The following CHMP5 variants were observed in gnomAD, a reference collection of about 807,000 sequenced individuals.
CHMP5 encodes SNF7 domain containing 2.
Under a neutral mutation model 33.0 loss-of-function variants are expected in CHMP5, and 17 were observed. That is an observed-to-expected ratio of 0.52 (90% CI 0.35 to 0.77). The LOEUF (loss-of-function observed/expected upper bound fraction) is 0.77, where lower values mean the gene tolerates loss of function less well. Among genes scored for constraint, CHMP5 ranks in the 30% least tolerant of loss-of-function variants. CHMP5 has a pLI of 0.01. For synonymous variants in CHMP5, 76 were observed against 90.2 expected (o/e 0.84, Z 0.89); for missense variants, 216 against 261.5 (o/e 0.83, Z 1.20).
rs982879209 is a variant in CHMP5, at chr9:33,265,096, G to A, written c.18G>A (p.Gly6=). The A allele has an allele frequency of 6.2e-7, 1 of 1,614,092 alleles. No individual in the cohort carries two copies. The highest frequency in any genetic ancestry group is 1.3e-5 in the African/African-American group (1 of 74,930). MNRLF[G]KAKPKAPPPS... is the part of the protein sequence containing the mutation. Reference sequence around the variant, plus strand: ...TGCTCAAGATGAACCGACTCTTCGGGAAAGCGAAACCCAAGGCTCCGCCGC... The same window carrying A: ...TGCTCAAGATGAACCGACTCTTCGGAAAAGCGAAACCCAAGGCTCCGCCGC... Residue 6 remains glycine, a synonymous_variant, in exon 1 of 8, where the codon GGG becomes GGA. Coordinates refer to ENST00000223500, the MANE Select transcript of CHMP5 (RefSeq NM_016410.6).
chr9:33,277,695 G>C (rs113078962), intron 6 of CHMP5: 3,400 of 159,172 alleles, frequency 0.021, 145 homozygotes, highest in African/African-American at 0.077. Context: ...AGGTGTCAAG[G>C]GTGGCTGTCA....
At chr9:33,269,268 G>A (rs1482410777) in intron 3 of CHMP5, among the ~76,000 whole-genome samples, 1 of 152,210 alleles carries the variant, frequency 6.6e-6, no homozygotes, top group African/African-American at 2.4e-5. Flanking sequence ...ACTTTGGGAG[G>A]CCAAGACAGA....
At chr9:33,272,250 A>T (rs62542693) in intron 5 of CHMP5, among the ~76,000 whole-genome samples, 12,656 of 152,070 alleles carry the variant, frequency 0.083, 668 homozygotes, top group East Asian at 0.15. Context: ...TACCCCCCTG[A>T]CTAGAATGTC....
At chr9:33,275,274 C>G (rs62542694) in intron 5 of CHMP5, among the ~76,000 whole-genome samples, 8,697 of 152,216 alleles carry the variant, frequency 0.057, 278 homozygotes, top group East Asian at 0.095. Flanking sequence ...ATCCTGGAAC[C>G]AATCCCTTGC....
chr9:33,271,682 T>TA (rs1469531927), intron 5 of CHMP5, among the ~76,000 whole-genome samples: 1 of 152,232 alleles, frequency 6.6e-6, no homozygotes, highest in Non-Finnish European at 1.5e-5. Context: ...GATGGTTCAG[T>TA]AAGTTAGGTG....
rs376968625 is a variant in CHMP5 at position 33,271,949 on chromosome 9, T to C, written c.387+726T>C. 1.9e-4 allele frequency among the ~76,000 whole-genome samples: 29 copies of C among 152,340 alleles called. No homozygotes were observed. The South Asian group carries it at 6.0e-3, about 32-fold the overall frequency. Reference sequence around the variant, plus strand: ...TTGTCATGAGTGTTAAATGAAGGTATGTAGGTAAAGTGTATGTAAAATGTT... The same window carrying C: ...TTGTCATGAGTGTTAAATGAAGGTACGTAGGTAAAGTGTATGTAAAATGTT... On this transcript the variant is annotated intron_variant, in intron 5 of 7. Transcript: ENST00000223500.
At chr9:33,278,520 T>G (rs1021245870) in intron 7 of CHMP5, among the ~76,000 whole-genome samples, 1 of 152,238 alleles carries the variant, frequency 6.6e-6, no homozygotes, top group Non-Finnish European at 1.5e-5. Flanking sequence ...AGACATTTCC[T>G]GTAAAAGCGT....
chr9:33,273,343 G>T (rs1187249590), intron 5 of CHMP5, among the ~76,000 whole-genome samples: 1 of 151,944 alleles, frequency 6.6e-6, no homozygotes, highest in African/African-American at 2.4e-5. Flanking sequence ...TGCTTTTAGG[G>T]TTCCTTGTGT....
At chr9:33,267,552 C>T (rs1378735543) in intron 2 of CHMP5, among the ~76,000 whole-genome samples, 3 of 152,074 alleles carry the variant, frequency 2.0e-5, no homozygotes, top group Non-Finnish European at 4.4e-5. Flanking sequence ...CTCCCTAAGG[C>T]AACTGGATAT....
At chr9:33,279,453 C>A (rs1022432521) in intron 7 of CHMP5, among the ~76,000 whole-genome samples, 4 of 152,096 alleles carry the variant, frequency 2.6e-5, no homozygotes. Flanking sequence ...GCCCACTCCT[C>A]CCCGACCTCT....
rs979838606 is a variant in CHMP5 at position 33,274,676 on chromosome 9, C to T, written c.388-1780C>T. 3.1e-4 allele frequency among the ~76,000 whole-genome samples: 47 copies of T among 152,050 alleles called. 1 individual carries two copies. Among genetic ancestry groups the T allele is most frequent in the South Asian group, 2.1e-4 (1 of 4,822 alleles). ...TGTCGCCCAGGCTAGAGTGCGGTGG[C>T]GCGATCTCGGCTCACTGCAACCTCT... On this transcript the variant is annotated intron_variant, in intron 5 of 7. Coordinates refer to ENST00000223500, the MANE Select transcript of CHMP5 (RefSeq NM_016410.6).
chr9:33,266,005 C>T lies in CHMP5; in HGVS notation c.70-5C>T. 3.1e-6 allele frequency: 5 copies of T among 1,600,950 alleles called. No individual in the cohort carries two copies. The highest frequency in any genetic ancestry group is 2.2e-5 in the South Asian group (2 of 90,734). ...CTACCAGTGCATTTGATATTTTCCCCTAAGGTGGACAGTAGAGCAGAATCC... is the reference window on the plus strand; with the variant it reads ...CTACCAGTGCATTTGATATTTTCCCTTAAGGTGGACAGTAGAGCAGAATCC... On this transcript the variant is annotated splice_region_variant and splice_polypyrimidine_tract_variant and intron_variant, in intron 1 of 7. Coordinates refer to ENST00000223500, the MANE Select transcript of CHMP5 (RefSeq NM_016410.6).
intron 5 of CHMP5, among the ~76,000 whole-genome samples, chr9:33,272,565 G>C (rs1031628249): frequency 3.9e-5 from 6 of 152,116 alleles, no homozygotes; most frequent in Admixed American, 6.5e-5. Context: ...AGCACTTTGG[G>C]AGGCCGAGGC....
intron 5 of CHMP5, among the ~76,000 whole-genome samples, chr9:33,272,407 AAAAG>A (rs1192128795): frequency 2.6e-5 from 4 of 152,018 alleles, no homozygotes; most frequent in African/African-American, 9.7e-5. Context: ...AAAAAAAAAA[AAAAG>A]AGAGAAAGCA....
chr9:33,281,019 T>C lies in CHMP5; in HGVS notation c.*160T>C, dbSNP rs1820916142. 4 of 472,452 alleles carry C rather than the reference T, an allele frequency of 8.5e-6. No individual in the cohort carries two copies. The highest frequency in any genetic ancestry group is 7.4e-6 in the Non-Finnish European group (2 of 271,064). 29.3% of individuals were successfully genotyped at this position (472,452 alleles called of 1,614,324 possible). A position where few individuals can be genotyped will look rare whatever the true frequency, so the allele number is the denominator to read the frequency against. On this transcript the variant is annotated 3_prime_UTR_variant, in exon 8 of 8. Coordinates refer to ENST00000223500, the MANE Select transcript of CHMP5 (RefSeq NM_016410.6). ...TTTATTTTTTCCATTAAGAGACTCA[T>C]TGCTTGGGAAATGCTTTCTTCGTAC...
intron 5 of CHMP5, among the ~76,000 whole-genome samples, chr9:33,271,464 TTGA>T (rs1820794099): frequency 6.6e-6 from 1 of 152,182 alleles, no homozygotes; most frequent in African/African-American, 2.4e-5. Context: ...ATTTTTCAGT[TTGA>T]TGATGGTGCG....
chr9:33,274,990 T>A (rs1820835724), intron 5 of CHMP5, among the ~76,000 whole-genome samples: 1 of 152,216 alleles, frequency 6.6e-6, no homozygotes, highest in Admixed American at 6.5e-5. Context: ...CATTGAGTAA[T>A]GGCAAAATTG....
chr9:33,277,815 C>T (rs1259735578), intron 6 of CHMP5: 1 of 239,296 alleles, frequency 4.2e-6, no homozygotes, highest in East Asian at 8.1e-5. Flanking sequence ...TCTCCATGGT[C>T]TATTTTTGCC....
intron 5 of CHMP5, among the ~76,000 whole-genome samples, chr9:33,274,850 A>G (rs1248805271): frequency 1.3e-5 from 2 of 152,222 alleles, no homozygotes; most frequent in Non-Finnish European, 2.9e-5. Context: ...TCCTGAGTTC[A>G]GGCAATCCAC....
Sources: allele counts gnomAD v4.1 joint callset (sites outside exome capture counted in the v4.1 genomes callset), GRCh38; gene constraint gnomAD v4.1.1; transcripts MANE v1.5; gene names NCBI Gene and HGNC (gene_info 2026-07-23, HGNC 2026-07-21).